Variants in ZDHHC14 observed in about 807,000 individuals in gnomAD.
ZDHHC14 encodes the protein palmitoyltransferase ZDHHC14.
In ZDHHC14, 16 loss-of-function variants were observed where a neutral mutation model predicts 47.7. The observed-to-expected ratio is 0.34, with a 90% CI of 0.23 to 0.51. The LOEUF (loss-of-function observed/expected upper bound fraction) is 0.51. Ranked by LOEUF, ZDHHC14 falls within the 20% of genes least tolerant of loss-of-function variation. The probability of loss-of-function intolerance (pLI) is 0.97; values close to 1 mark genes in which losing one functional copy is unlikely to be tolerated. For missense variants in ZDHHC14, 515 were observed against 662.5 expected, an observed-to-expected ratio of 0.78 and a Z score of 2.44; for synonymous variants, 293 against 278.9, an observed-to-expected ratio of 1.05 and a Z score of -0.50.
chr6:157,430,090 G>A (rs1357157634), intron 1 of ZDHHC14, among the ~76,000 whole-genome samples: 1 of 152,092 alleles, frequency 6.6e-6, no homozygotes, highest in East Asian at 1.9e-4. Context: ...GCCGAGGCAG[G>A]CAGATCACGA....
At chr6:157,390,712 A>G (rs112708706) in intron 1 of ZDHHC14, among the ~76,000 whole-genome samples, 1 of 152,066 alleles carries the variant, frequency 6.6e-6, no homozygotes, top group Non-Finnish European at 1.5e-5. Context: ...GAACATTTCT[A>G]CACTTAAAAA....
At chr6:157,448,338 G>A (rs949026980) in intron 1 of ZDHHC14, among the ~76,000 whole-genome samples, 1 of 152,144 alleles carries the variant, frequency 6.6e-6, no homozygotes, top group Admixed American at 6.5e-5. Context: ...TAGAGTGTGT[G>A]TCTGTTGCGG....
At chr6:157,650,067 GTGGGTGCACGGGAGA>G (rs1283454278) in intron 7 of ZDHHC14, among the ~76,000 whole-genome samples, 18 of 150,854 alleles carry the variant, frequency 1.2e-4, no homozygotes, top group Admixed American at 2.6e-4. Flanking sequence ...GCCAGGCGCT[GTGGGTGCACGGGAGA>G]GGGGCTGGCT....
At chr6:157,646,570 G>A (rs918106866) in intron 6 of ZDHHC14, among the ~76,000 whole-genome samples, 3 of 146,982 alleles carry the variant, frequency 2.0e-5, no homozygotes, top group Non-Finnish European at 4.4e-5. Context: ...CTGAGATAGC[G>A]CCACTGCACT....
chr6:157,495,090 A>G (rs1309017555), intron 1 of ZDHHC14, among the ~76,000 whole-genome samples: 12 of 152,014 alleles, frequency 7.9e-5, no homozygotes. Context: ...TCATTTCAAA[A>G]TGGATGCAGA....
rs1007878375 is a variant in ZDHHC14, at chr6:157,426,482, C to T, written c.245+44216C>T. On this transcript the variant is annotated intron_variant, in intron 1 of 8. Coordinates refer to ENST00000359775, the MANE Select transcript of ZDHHC14 (RefSeq NM_024630.3). ...GTGACCCACAGAGCAGTTTGGCCCC[C>T]ACTTCATGGAGCTGACTCGTTGAGT... Among the ~76,000 whole-genome samples the T allele has an allele frequency of 5.3e-5, 8 of 152,286 alleles. No individual in the cohort carries two copies. The East Asian group carries it at 1.4e-3, about 26-fold the overall frequency.
chr6:157,414,669 A>G (rs1165639407), intron 1 of ZDHHC14, among the ~76,000 whole-genome samples: 4 of 152,234 alleles, frequency 2.6e-5, no homozygotes, highest in Non-Finnish European at 5.9e-5. Flanking sequence ...CACTGGGCAC[A>G]GGGAGCCTAG....
chr6:157,577,455 G>A (rs182086396), intron 2 of ZDHHC14, among the ~76,000 whole-genome samples: 118 of 152,326 alleles, frequency 7.7e-4, no homozygotes, highest in African/African-American at 2.6e-3. Flanking sequence ...TTTCCACAGT[G>A]GCTGAACTAA....
intron 1 of ZDHHC14, among the ~76,000 whole-genome samples, chr6:157,506,718 G>A (rs1053219543): frequency 2.0e-5 from 3 of 152,184 alleles, no homozygotes; most frequent in African/African-American, 7.2e-5. Context: ...GCTGACGACA[G>A]ATATATTTTA....
chr6:157,584,194 G>A (rs911919641), intron 2 of ZDHHC14, among the ~76,000 whole-genome samples: 13 of 152,300 alleles, frequency 8.5e-5, no homozygotes, highest in Admixed American at 3.9e-4. Context: ...GGATGGGAGT[G>A]AACACTGGGG....
At chr6:157,614,108 G>A (rs1784859260) in intron 3 of ZDHHC14, among the ~76,000 whole-genome samples, 1 of 152,164 alleles carries the variant, frequency 6.6e-6, no homozygotes, top group East Asian at 1.9e-4. Flanking sequence ...TGGTGCACCT[G>A]GGTGAAGACA....
At chr6:157,551,254 G>C (rs1782219005) in intron 2 of ZDHHC14, among the ~76,000 whole-genome samples, 1 of 152,150 alleles carries the variant, frequency 6.6e-6, no homozygotes, top group African/African-American at 2.4e-5. Flanking sequence ...GCAGGGCTCT[G>C]AGTCATGGGA....
At chr6:157,596,027 G>A (rs958107000) in intron 3 of ZDHHC14, among the ~76,000 whole-genome samples, 1 of 152,158 alleles carries the variant, frequency 6.6e-6, no homozygotes, top group African/African-American at 2.4e-5. Context: ...AGCTCCGTGG[G>A]GGACAGGTGA....
Position 157,618,289 on chromosome 6 carries a change from C to T in ZDHHC14, c.566-10060C>T, listed in dbSNP as rs141773268. 4.9e-3 allele frequency among the ~76,000 whole-genome samples: 752 copies of T among 151,940 alleles called. 13 individuals are homozygous for T. Among genetic ancestry groups the T allele is most frequent in the African/African-American group, 0.017 (712 of 41,408 alleles). ...CCGAAGACCACCAACACACGAAGAC[C>T]GTTTTTGAGGCTATACAAATTTGAA... On this transcript the variant is annotated intron_variant, in intron 3 of 8. Transcript: ENST00000359775.
At chr6:157,485,631 T>C (rs1385937727) in intron 1 of ZDHHC14, among the ~76,000 whole-genome samples, 1 of 152,180 alleles carries the variant, frequency 6.6e-6, no homozygotes, top group Non-Finnish European at 1.5e-5. Context: ...CTAAATCTTT[T>C]TAAAAATTAT....
At chr6:157,435,489 C>CTA (rs1778420531) in intron 1 of ZDHHC14, among the ~76,000 whole-genome samples, 1 of 152,128 alleles carries the variant, frequency 6.6e-6, no homozygotes, top group Non-Finnish European at 1.5e-5. Context: ...TGGCATTAGC[C>CTA]TATAAGCTCA....
Position 157,677,318 on chromosome 6 carries a change from T to C in ZDHHC14, c.*4196T>C, listed in dbSNP as rs928207470. ...TCTCTCTCATAAAACTAAGTTATCA[T>C]TGAAATATTAAACGATCTGAAGCGT... On this transcript the variant is annotated 3_prime_UTR_variant, in exon 9 of 9. Transcript: ENST00000359775. The C allele has an allele frequency of 2.6e-5, 4 of 151,400 alleles. No individual in the cohort carries two copies. The highest frequency in any genetic ancestry group is 7.3e-5 in the African/African-American group (3 of 41,304). 9.4% of individuals were successfully genotyped at this position (151,400 alleles called of 1,614,324 possible).
chr6:157,399,002 T>C (rs1679936753), intron 1 of ZDHHC14, among the ~76,000 whole-genome samples: 1 of 152,208 alleles, frequency 6.6e-6, no homozygotes, highest in Non-Finnish European at 1.5e-5. Flanking sequence ...ATCAAAATAA[T>C]TAAGACGTTT....
intron 1 of ZDHHC14, among the ~76,000 whole-genome samples, chr6:157,387,880 T>C (rs1477784859): frequency 6.6e-6 from 1 of 152,202 alleles, no homozygotes; most frequent in African/African-American, 2.4e-5. Context: ...TGTGCTTTAG[T>C]TTTTGCATTT....
Sources: gnomAD v4.1 joint callset for allele counts (sites outside exome capture counted in the v4.1 genomes callset) on GRCh38, gnomAD v4.1.1 for gene constraint, MANE v1.5 for transcripts, NCBI Gene and HGNC (gene_info 2026-07-23, HGNC 2026-07-21) for gene names.